Variants in SEMA4G observed in about 807,000 individuals in gnomAD.
The protein encoded by SEMA4G is semaphorin-4G.
Under a neutral mutation model 81.2 loss-of-function variants are expected in SEMA4G, and 59 were observed. That is an observed-to-expected ratio of 0.73 (90% CI 0.59 to 0.90). The LOEUF is 0.90. SEMA4G is among the 40% of genes least tolerant of loss of function. The probability of loss-of-function intolerance (pLI) is 0.00; values close to 1 mark genes in which losing one functional copy is unlikely to be tolerated. For synonymous variants in SEMA4G, 404 were observed against 433.9 expected (o/e 0.93, Z 0.86); for missense variants, 952 against 1,102.3 (o/e 0.86, Z 1.93).
exon 14 of SEMA4G, chr10:100,983,825 G>A (rs1249714433): frequency 1.1e-5 from 17 of 1,599,910 alleles, no homozygotes; most frequent in Admixed American, 1.7e-5. Flanking sequence ...GTCCTGGAGA[G>A]GAAGATGAGG....
chr10:100,984,634 C>T (rs1323427412), exon 14 of SEMA4G: 7 of 1,536,154 alleles, frequency 4.6e-6, no homozygotes, highest in Non-Finnish European at 5.2e-6. Context: ...GAATGTTTAT[C>T]GGCTGGGCTG....
rs1200907162 is a variant in SEMA4G at position 100,979,957 on chromosome 10, T to C, written c.1093T>C (p.Tyr365His). 6.2e-7 allele frequency: 1 copy of C among 1,613,990 alleles called. No individual in the cohort carries two copies. The highest frequency in any genetic ancestry group is 2.2e-5 in the East Asian group (1 of 44,852). The change falls in exon 9 of 14, where the codon TAT becomes CAT. Residue 365 changes from tyrosine (Y) to histidine (H), a missense_variant. Coordinates refer to ENST00000370250, the Ensembl canonical transcript of SEMA4G. ...GGATGGTTCCCGGCGCTGGGGTCGC[T>C]ATGAGGGTGGGGTGCCTGAGCCCCG...
intron 8 of SEMA4G, 140 bp from the exon 10 acceptor site, chr10:100,979,708 G>A: frequency 6.3e-6 from 6 of 954,486 alleles, no homozygotes; most frequent in Non-Finnish European, 9.6e-6. Context: ...GAATGCAGTG[G>A]TCCACTGACT....
At chr10:100,981,686 C>T in intron 13 of SEMA4G, 2 of 1,032,768 alleles carry the variant, frequency 1.9e-6, no homozygotes, top group Non-Finnish European at 2.8e-6. Flanking sequence ...TATTATTATC[C>T]CCATGAGGGA....
chr10:100,978,752 C>A, intron 6 of SEMA4G, 97 bp from the exon 8 acceptor site: 2 of 1,563,320 alleles, frequency 1.3e-6, no homozygotes, highest in Non-Finnish European at 1.8e-6. Context: ...CCTGTCCATT[C>A]CATTCCTGTG....
intron 8 of SEMA4G, 54 bp downstream of exon 9, chr10:100,979,325 A>G (rs1449692520): frequency 1.9e-6 from 3 of 1,613,798 alleles, no homozygotes; most frequent in Non-Finnish European, 1.7e-6. Context: ...TAGGGGCTGG[A>G]GCAGAGGTCA....
At chr10:100,975,419 T>C (rs1379446320) in intron 3 of SEMA4G, among the ~76,000 whole-genome samples, 3 of 152,180 alleles carry the variant, frequency 2.0e-5, no homozygotes, top group Admixed American at 2.0e-4. Context: ...AAATGTCAAA[T>C]GAGTTTGGGA....
At chr10:100,982,148 T>C (rs1357948691) in intron 13 of SEMA4G, among the ~76,000 whole-genome samples, 1 of 151,558 alleles carries the variant, frequency 6.6e-6, no homozygotes, top group Non-Finnish European at 1.5e-5. Context: ...CACTATACTA[T>C]GCTATCTCCC....
intron 3 of SEMA4G, among the ~76,000 whole-genome samples, chr10:100,975,856 T>C (rs973560443): frequency 1.3e-5 from 2 of 151,944 alleles, no homozygotes; most frequent in African/African-American, 2.4e-5. Flanking sequence ...GCTGAGATCA[T>C]GCACTGCACT....
At chr10:100,978,615 G>C (rs755117958) in exon 6 of SEMA4G, 1 of 1,614,062 alleles carries the variant, frequency 6.2e-7, no homozygotes, top group South Asian at 1.1e-5. Context: ...TGAGAACTGA[G>C]GAGACACCAA....
At chr10:100,982,637 C>T (rs1851155296) in intron 13 of SEMA4G, among the ~76,000 whole-genome samples, 1 of 152,160 alleles carries the variant, frequency 6.6e-6, no homozygotes, top group Non-Finnish European at 1.5e-5. Context: ...ACTAAAAATA[C>T]AAAAACTAGC....
chr10:100,973,092 C>A lies in SEMA4G; in HGVS notation c.125-37C>A. ...AGCCAGGGCTGGGGGTGGGGAGGCA[C>A]CCCAGAACTAGGGCTCACTGTTCCT... On this transcript the variant is annotated intron_variant, in intron 1 of 13. Transcript: ENST00000370250. This position sits in a 1 kb window ranked among gnomAD's most constrained non-coding sequence, Gnocchi z 5.5. The A allele has an allele frequency of 6.2e-7, 1 of 1,614,094 alleles. No individual in the cohort carries two copies. Among genetic ancestry groups the A allele is most frequent in the South Asian group, 1.1e-5 (1 of 91,078 alleles).
upstream of SEMA4G, among the ~76,000 whole-genome samples, chr10:100,971,053 C>A (rs1186072524): frequency 6.6e-6 from 1 of 152,196 alleles, no homozygotes; most frequent in Non-Finnish European, 1.5e-5. Context: ...GCACAAAACT[C>A]CCTGTGAGTA....
upstream of SEMA4G, among the ~76,000 whole-genome samples, chr10:100,971,906 G>C (rs1290639086): frequency 5.9e-5 from 9 of 152,136 alleles, no homozygotes; most frequent in South Asian, 1.9e-3. Context: ...GGGGATCCTA[G>C]GTACCCACCC....
intron 8 of SEMA4G, 27 bp from the exon 10 acceptor site, chr10:100,979,821 C>G: frequency 6.2e-7 from 1 of 1,610,510 alleles, no homozygotes; most frequent in Non-Finnish European, 8.5e-7. Context: ...ATGTAACTCA[C>G]CCCCCTTGCC....
At chr10:100,983,226 G>A in intron 13 of SEMA4G, 79 bp from the exon 15 acceptor site, 1 of 1,421,532 alleles carries the variant, frequency 7.0e-7, no homozygotes, top group Non-Finnish European at 9.3e-7. Context: ...CCAGGGACTT[G>A]GCAGTGAACA....
exon 14 of SEMA4G, chr10:100,984,795 C>A (rs1403242646): frequency 2.6e-6 from 4 of 1,535,626 alleles, no homozygotes; most frequent in Non-Finnish European, 3.5e-6. Context: ...AACGGGCCAG[C>A]CTGGGGAGGT....
exon 14 of SEMA4G, chr10:100,983,740 G>T (rs527848892): frequency 6.2e-7 from 1 of 1,613,008 alleles, no homozygotes; most frequent in Non-Finnish European, 8.5e-7. Flanking sequence ...CGAGGGCGCC[G>T]ACGGAAATAC....
At chr10:100,984,062 A>T in exon 14 of SEMA4G, 3 of 1,613,532 alleles carry the variant, frequency 1.9e-6, no homozygotes, top group Non-Finnish European at 2.5e-6. Context: ...TCGCCGAGGA[A>T]CTCAGCCGCA....
Sources: allele counts gnomAD v4.1 joint callset (sites outside exome capture counted in the v4.1 genomes callset), GRCh38; gene constraint gnomAD v4.1.1; non-coding constraint Gnocchi (gnomAD v3.1); transcripts MANE v1.5; gene names NCBI Gene and HGNC (gene_info 2026-07-23, HGNC 2026-07-21).